The following NDUFA10 variants were observed in gnomAD, a reference collection of about 807,000 sequenced individuals.
NDUFA10 encodes NADH:ubiquinone oxidoreductase subunit A10, also known as NADH dehydrogenase [ubiquinone] 1 alpha subcomplex subunit 10, mitochondrial.
In NDUFA10, 40 loss-of-function variants were observed where a neutral mutation model predicts 47.8. That is an observed-to-expected ratio of 0.84 (90% CI 0.65 to 1.09). The LOEUF (loss-of-function observed/expected upper bound fraction) is 1.09, where lower values mean the gene tolerates loss of function less well. Ranked by LOEUF, NDUFA10 falls within the 50% of genes least tolerant of loss-of-function variation. The pLI, the probability that NDUFA10 is intolerant of heterozygous loss-of-function variation, is 0.00. For missense variants in NDUFA10, 413 were observed against 451.1 expected, an observed-to-expected ratio of 0.92 and a Z score of 0.76; for synonymous variants, 183 against 172.2, an observed-to-expected ratio of 1.06 and a Z score of -0.49.
intron 1 of NDUFA10, among the ~76,000 whole-genome samples, chr2:240,024,930 C>T (rs1697791906): frequency 6.6e-6 from 1 of 152,100 alleles, no homozygotes; most frequent in Admixed American, 6.5e-5. Context: ...GTGCCCCCGG[C>T]CTGCCACCTG....
intron 4 of NDUFA10, among the ~76,000 whole-genome samples, chr2:239,952,318 A>G (rs1459872579): frequency 6.6e-6 from 1 of 151,874 alleles, no homozygotes; most frequent in Admixed American, 6.5e-5. Flanking sequence ...CCCAGGAGAA[A>G]GGAGCAGACC....
chr2:239,972,681 T>A (rs1056849333), intron 9 of NDUFA10, among the ~76,000 whole-genome samples: 1 of 152,226 alleles, frequency 6.6e-6, no homozygotes, highest in Non-Finnish European at 1.5e-5. Flanking sequence ...TGTGTTCTAT[T>A]TTTTAACACA....
intron 4 of NDUFA10, among the ~76,000 whole-genome samples, chr2:239,911,517 C>T (rs28495260): frequency 0.18 from 28,086 of 151,964 alleles, 3,048 homozygotes; most frequent in African/African-American, 0.3. Context: ...CGGAAAAGGG[C>T]CACACCCTGA....
At chr2:240,025,149 G>T in intron 1 of NDUFA10, 78 bp downstream of exon 1, 1 of 1,184,398 alleles carries the variant, frequency 8.4e-7, no homozygotes, top group Non-Finnish European at 1.1e-6. Context: ...GAGGCCGGGG[G>T]AGATGTGGAA....
chr2:239,957,202 G>A (rs1167772824), downstream of NDUFA10, among the ~76,000 whole-genome samples: 9 of 152,240 alleles, frequency 5.9e-5, no homozygotes, highest in African/African-American at 2.2e-4. Flanking sequence ...GCCACTGCTA[G>A]CATTTCTGCT....
chr2:239,901,201 A>G (rs1259258383), intron 4 of NDUFA10, among the ~76,000 whole-genome samples: 1 of 152,130 alleles, frequency 6.6e-6, no homozygotes, highest in Non-Finnish European at 1.5e-5. Context: ...TGACTCCGCC[A>G]TGCTCTACAA....
chr2:239,895,216 C>A, exon 5 of NDUFA10: 1 of 463,830 alleles, frequency 2.2e-6, no homozygotes. Context: ...TATTCCCAGG[C>A]ACTTAGGAGT....
intron 4 of NDUFA10, among the ~76,000 whole-genome samples, chr2:239,937,436 C>G (rs1324479434): frequency 3.3e-5 from 5 of 152,168 alleles, no homozygotes. Flanking sequence ...TTTGCCAGTT[C>G]TGGACATGTC....
rs550482863 is a variant in NDUFA10, at chr2:239,984,428, G to C, written c.999+5646C>G. Among the ~76,000 whole-genome samples the C allele has an allele frequency of 1.1e-4, 17 of 152,256 alleles. No homozygotes were observed. The South Asian group carries it at 3.5e-3, about 32-fold the overall frequency. ...TCAAGTTTACTTTTTGAAATGCTTA[G>C]AAATTTAAAAATCGGATTTTCCCAG... On this transcript the variant is annotated intron_variant, in intron 9 of 9. Transcript: ENST00000252711.
At chr2:239,896,898 T>C (rs1693409521) in intron 4 of NDUFA10, among the ~76,000 whole-genome samples, 1 of 152,242 alleles carries the variant, frequency 6.6e-6, no homozygotes, top group Non-Finnish European at 1.5e-5. Flanking sequence ...CAGAGGTTCA[T>C]CATTTTATTC....
At chr2:239,936,011 C>T (rs1388357559) in intron 4 of NDUFA10, among the ~76,000 whole-genome samples, 1 of 152,200 alleles carries the variant, frequency 6.6e-6, no homozygotes, top group African/African-American at 2.4e-5. Flanking sequence ...CAATACAGAC[C>T]TTGTTATTAC....
chr2:239,919,765 C>T (rs939280015), intron 4 of NDUFA10, among the ~76,000 whole-genome samples: 3 of 152,226 alleles, frequency 2.0e-5, no homozygotes, highest in Non-Finnish European at 2.9e-5. Flanking sequence ...CCACCTGCAG[C>T]CTCTCTCCAC....
At chr2:239,968,677 C>G (rs959349375) in intron 9 of NDUFA10, among the ~76,000 whole-genome samples, 1 of 152,206 alleles carries the variant, frequency 6.6e-6, no homozygotes, top group African/African-American at 2.4e-5. Flanking sequence ...GAAATCTGCA[C>G]AGGGGACCCA....
intron 8 of NDUFA10, among the ~76,000 whole-genome samples, chr2:239,997,074 T>C (rs984713142): frequency 7.2e-5 from 11 of 152,134 alleles, no homozygotes; most frequent in Non-Finnish European, 1.6e-4. Flanking sequence ...GTTATTTTTA[T>C]TGGCTTTTTT....
At position 239,928,896 on chromosome 2, in the gene NDUFA10, G is replaced by A. The variant is rs1694109647; in HGVS notation, c.295-33582C>T. ...CGCGAATCCTCCCAGCCTTGACTCC[G>A]AAACGCTTTGTCTCCCATCGCCCCG... On this transcript the variant is annotated intron_variant, in intron 4 of 5. Transcript: ENST00000419408. This position sits in a 1 kb window ranked among gnomAD's most constrained non-coding sequence, Gnocchi z 4.3. Among the ~76,000 whole-genome samples the A allele has an allele frequency of 6.6e-6, 1 of 152,172 alleles. No homozygotes were observed. Among genetic ancestry groups the A allele is most frequent in the African/African-American group, 2.4e-5 (1 of 41,444 alleles).
At chr2:240,009,406 A>G (rs1044209201) in intron 6 of NDUFA10, among the ~76,000 whole-genome samples, 1 of 152,228 alleles carries the variant, frequency 6.6e-6, no homozygotes, top group South Asian at 2.1e-4. Flanking sequence ...AACTAAGTTG[A>G]TACTCATTAA....
chr2:239,933,749 C>T lies in NDUFA10; in HGVS notation c.295-38435G>A, dbSNP rs4261753. Among the ~76,000 whole-genome samples, 1,381 of 152,116 alleles carry T rather than the reference C, an allele frequency of 9.1e-3. 22 individuals carry two copies. Among genetic ancestry groups the T allele is most frequent in the African/African-American group, 0.031 (1,267 of 41,430 alleles). On this transcript the variant is annotated intron_variant, in intron 4 of 5. Coordinates refer to the NDUFA10 transcript ENST00000419408. The stretch of plus-strand genomic sequence containing the variant: ...ATGATATGTAGGGCCCTGTACGGAA[C>T]GAAGTCAGTGAAACAGGGGCACGTC...
intron 9 of NDUFA10, among the ~76,000 whole-genome samples, chr2:239,966,295 TC>T: frequency 6.6e-6 from 1 of 152,096 alleles, no homozygotes; most frequent in South Asian, 2.1e-4. Context: ...AAATGACAAC[TC>T]CCCCTGGCCC....
intron 9 of NDUFA10, among the ~76,000 whole-genome samples, chr2:239,975,630 T>A (rs1234084161): frequency 6.6e-6 from 1 of 152,192 alleles, no homozygotes. Context: ...GGTGACCTGG[T>A]ATTGTTACCA....
Sources: gnomAD v4.1 joint callset for allele counts (sites outside exome capture counted in the v4.1 genomes callset) on GRCh38, gnomAD v4.1.1 for gene constraint, Gnocchi (gnomAD v3.1) non-coding constraint, MANE v1.5 for transcripts, NCBI Gene and HGNC (gene_info 2026-07-23, HGNC 2026-07-21) for gene names.